The following METTL8 variants were observed in gnomAD, a reference collection of about 807,000 sequenced individuals.
METTL8 encodes the protein methyltransferase 8, tRNA N3-cytidine.
METTL8 carries 32 observed loss-of-function variants against 48.7 expected under a neutral mutation model. The observed-to-expected ratio is 0.66, with a 90% CI of 0.50 to 0.88. METTL8 has a LOEUF of 0.88. METTL8 is among the 40% of genes least tolerant of loss of function. The pLI is 0.00. For synonymous variants in METTL8, 136 were observed against 157.1 expected, an observed-to-expected ratio of 0.87 and a Z score of 1.01; for missense variants, 464 against 474.4, an observed-to-expected ratio of 0.98 and a Z score of 0.20.
At chr2:171,359,663 A>C (rs1684960711) in intron 3 of METTL8, among the ~76,000 whole-genome samples, 1 of 151,346 alleles carries the variant, frequency 6.6e-6, no homozygotes, top group Non-Finnish European at 1.5e-5. Context: ...GCCAGGCTGG[A>C]GTACAGTGGT....
In METTL8 at chr2:171,360,535, T is replaced by C. The variant is rs749381393; in HGVS notation, c.144-22A>G. On this transcript the variant is annotated intron_variant, in intron 2 of 9. Coordinates refer to ENST00000375258, the MANE Select transcript of METTL8 (RefSeq NM_001321154.2). ...ATCCCTATTAAAAAAAAATAGACTG[T>C]AAAATATGCTTTATCATTGAAGAAG... The C allele has an allele frequency of 6.3e-6, 10 of 1,592,994 alleles. No individual in the cohort carries two copies. In the African/African-American group the frequency reaches 9.5e-5, roughly 15 times the overall value.
chr2:171,404,806 G>A (rs1690015969), intron 1 of METTL8, among the ~76,000 whole-genome samples: 1 of 152,154 alleles, frequency 6.6e-6, no homozygotes, highest in South Asian at 2.1e-4. Context: ...GGTGTACATT[G>A]AGGATTGAGA....
intron 6 of METTL8, among the ~76,000 whole-genome samples, chr2:171,331,412 T>C (rs1685517798): frequency 6.9e-6 from 1 of 145,760 alleles, no homozygotes. Flanking sequence ...CCTGGCGCTG[T>C]TGGCCTTTCA....
At chr2:171,388,204 T>A (rs1688257339) in intron 2 of METTL8, among the ~76,000 whole-genome samples, 1 of 152,256 alleles carries the variant, frequency 6.6e-6, no homozygotes, top group Admixed American at 6.5e-5. Flanking sequence ...TGTTTATTCT[T>A]CTGTCACGAT....
At chr2:171,421,522 A>C (rs1691877666) in intron 1 of METTL8, among the ~76,000 whole-genome samples, 1 of 152,114 alleles carries the variant, frequency 6.6e-6, no homozygotes, top group Non-Finnish European at 1.5e-5. Flanking sequence ...GACCAAAAAT[A>C]TGATACACTT....
chr2:171,413,120 C>T (rs538010273), intron 1 of METTL8, among the ~76,000 whole-genome samples: 98 of 152,248 alleles, frequency 6.4e-4, no homozygotes, highest in Non-Finnish European at 2.5e-4. Flanking sequence ...AAGTATAATA[C>T]AAGACAGACC....
chr2:171,324,419 C>T, intron 9 of METTL8, 57 bp from the exon 10 acceptor site: 5 of 1,435,566 alleles, frequency 3.5e-6, no homozygotes, highest in Non-Finnish European at 4.7e-6. Flanking sequence ...TGGGGGAGGT[C>T]AGGAGTAGAA....
intron 2 of METTL8, among the ~76,000 whole-genome samples, chr2:171,361,196 G>A (rs1685127098): frequency 6.6e-6 from 1 of 151,362 alleles, no homozygotes; most frequent in Non-Finnish European, 1.5e-5. Context: ...TGGAATAGAA[G>A]CGACAACTGT....
At chr2:171,434,652 A>G, upstream of METTL8, 1 of 1,535,780 alleles carries the variant, frequency 6.5e-7, no homozygotes, top group Non-Finnish European at 8.7e-7. Flanking sequence ...CGCGCGACGC[A>G]GGCGTGGTGC....
chr2:171,373,948 G>A (rs148763767), intron 2 of METTL8, among the ~76,000 whole-genome samples: 4,680 of 152,288 alleles, frequency 0.031, 84 homozygotes, highest in East Asian at 0.051. Flanking sequence ...GCTTAGGATT[G>A]TCTTGGCAAT....
intron 2 of METTL8, among the ~76,000 whole-genome samples, chr2:171,372,833 A>G (rs1181616871): frequency 6.6e-6 from 1 of 152,148 alleles, no homozygotes; most frequent in African/African-American, 2.4e-5. Context: ...TTATGGCTGC[A>G]TAGTATTCCA....
At chr2:171,331,364 C>T (rs1305144320) in intron 6 of METTL8, among the ~76,000 whole-genome samples, 4 of 151,130 alleles carry the variant, frequency 2.6e-5, no homozygotes, top group African/African-American at 9.7e-5. Context: ...CTGCCTCGGC[C>T]TCCCAAAGTG....
chr2:171,367,502 C>G (rs527950326), intron 2 of METTL8, among the ~76,000 whole-genome samples: 35 of 152,026 alleles, frequency 2.3e-4, no homozygotes, highest in Admixed American at 1.1e-3. Context: ...TTGTTACCAG[C>G]AGAATTTGCA....
rs530442681 is a variant in METTL8, at chr2:171,351,690, T to G, written c.235+8732A>C. ...AAGAGGTCCTTCACATCCCTTGTAATTTGGATTCCTAGGTATTTTATTCTC... is the reference window on the plus strand; with the variant it reads ...AAGAGGTCCTTCACATCCCTTGTAAGTTGGATTCCTAGGTATTTTATTCTC... On this transcript the variant is annotated intron_variant, in intron 3 of 9. Transcript: ENST00000375258. Among the ~76,000 whole-genome samples the G allele has an allele frequency of 1.8e-4, 28 of 152,158 alleles. No individual in the cohort carries two copies. The South Asian group carries it at 2.1e-3, about 11-fold the overall frequency.
rs1307015801 is a variant in METTL8 at position 171,319,341 on chromosome 2, T to C, written c.*4831A>G. 6.6e-6 allele frequency: 1 copy of C among 152,228 alleles called. No individual in the cohort carries two copies. 9.4% of individuals were successfully genotyped at this position (152,228 alleles called of 1,614,324 possible). ...AGCAGAGGCTTTGAAAGAGGTCGAT[T>C]AGTGATGCAAATGTGAAGTTATCTG... On this transcript the variant is annotated 3_prime_UTR_variant, in exon 10 of 10. Coordinates refer to ENST00000375258, the MANE Select transcript of METTL8 (RefSeq NM_001321154.2).
At position 171,396,457 on chromosome 2, in the gene METTL8, C is replaced by G. The variant is rs1689074627; in HGVS notation, c.-12-4260G>C. ...CTACTTTGTCTGATATTAATACAGC[C>G]CTACCAATTGTCTAATGTAATGTCA... On this transcript the variant is annotated intron_variant, in intron 1 of 9. Coordinates refer to ENST00000375258, the MANE Select transcript of METTL8 (RefSeq NM_001321154.2). Among the ~76,000 whole-genome samples, 4 of 152,028 alleles carry G rather than the reference C, an allele frequency of 2.6e-5. No individual in the cohort carries two copies. The South Asian group carries it at 8.3e-4, about 32-fold the overall frequency.
intron 7 of METTL8, chr2:171,326,990 C>A (rs1289396399): frequency 6.6e-6 from 1 of 152,150 alleles, no homozygotes; most frequent in Non-Finnish European, 1.5e-5. Flanking sequence ...ACTACTGACC[C>A]CAATTAATCT....
intron 5 of METTL8, chr2:171,332,541 T>C (rs1685655152): frequency 6.6e-6 from 1 of 152,452 alleles, no homozygotes; most frequent in Non-Finnish European, 1.5e-5. Flanking sequence ...GGCTGGACCA[T>C]GGTTACTTAA....
intron 1 of METTL8, among the ~76,000 whole-genome samples, chr2:171,431,517 C>T (rs1423197714): frequency 6.6e-6 from 1 of 152,174 alleles, no homozygotes; most frequent in African/African-American, 2.4e-5. Flanking sequence ...GAGCTAAGAG[C>T]AAAAATCCTG....
Sources: gnomAD v4.1 joint callset for allele counts (sites outside exome capture counted in the v4.1 genomes callset) on GRCh38, gnomAD v4.1.1 for gene constraint, MANE v1.5 for transcripts, NCBI Gene and HGNC (gene_info 2026-07-23, HGNC 2026-07-21) for gene names.